KCNMA1: variants seen among roughly 807,000 people sequenced by gnomAD.
The protein encoded by KCNMA1 is Calcium-activated potassium channel subunit alpha-1.
A neutral mutation model predicts 140.0 loss-of-function variants in KCNMA1; 29 were observed. The observed-to-expected ratio is 0.21, with a 90% CI of 0.15 to 0.28. KCNMA1 has a LOEUF of 0.28. Ranked by LOEUF, KCNMA1 falls within the 10% of genes least tolerant of loss-of-function variation. The pLI is 1.00. For synonymous variants in KCNMA1, 612 were observed against 611.9 expected, an observed-to-expected ratio of 1.00 and a Z score of 0.00; for missense variants, 880 against 1,602.2, an observed-to-expected ratio of 0.55 and a Z score of 7.70.
At chr10:77,386,459 T>C (rs2095607338) in intron 2 of KCNMA1, among the ~76,000 whole-genome samples, 1 of 152,212 alleles carries the variant, frequency 6.6e-6, no homozygotes, top group African/African-American at 2.4e-5. Context: ...ATATGACTTG[T>C]CAGCCGTCTT....
chr10:76,986,710 A>G (rs544502435), intron 19 of KCNMA1, among the ~76,000 whole-genome samples: 1 of 152,344 alleles, frequency 6.6e-6, no homozygotes, highest in East Asian at 1.9e-4. Flanking sequence ...CCCTGCCTTA[A>G]ATATCCAAAT....
chr10:77,545,008 A>C (rs914270697), intron 1 of KCNMA1, among the ~76,000 whole-genome samples: 6 of 152,192 alleles, frequency 3.9e-5, no homozygotes, highest in Non-Finnish European at 5.9e-5. Flanking sequence ...CTGCAGGTGC[A>C]AAATGTACCG....
At position 76,891,572 on chromosome 10, in the gene KCNMA1, G is replaced by C; in HGVS notation, c.3295C>G (p.Arg1099Gly). Residue 1099 changes from arginine (R) to glycine (G), a missense_variant, in exon 26 of 28, where the codon CGC becomes GGC. Arg to Gly is a moderately radical substitution (Grantham distance 125, BLOSUM62 -2). This residue lies in a region of KCNMA1 where 31 missense variants were observed against 38.8 expected (regional missense o/e 0.80). Transcript: ENST00000286628. ...TCGAGCAGAGCTAACTGGGCCACGC[G>C]GCAGCGGTCCCTATTGGCCAGTGTC... ...PQTLANRDRC[R>G]VAQLALLDGP... The C allele has an allele frequency of 6.2e-7, 1 of 1,613,848 alleles. No individual in the cohort carries two copies. The highest frequency in any genetic ancestry group is 8.5e-7 in the Non-Finnish European group (1 of 1,180,018).
intron 1 of KCNMA1, among the ~76,000 whole-genome samples, chr10:77,589,758 G>A (rs894929755): frequency 1.3e-5 from 2 of 152,076 alleles, no homozygotes; most frequent in East Asian, 3.9e-4. Flanking sequence ...GCAGACCTTC[G>A]CGGTGTTACA....
At chr10:77,349,610 C>G (rs1212591425) in intron 2 of KCNMA1, among the ~76,000 whole-genome samples, 1 of 152,166 alleles carries the variant, frequency 6.6e-6, no homozygotes, top group East Asian at 1.9e-4. Context: ...CTTTTCTCCC[C>G]TATAAGAAAC....
At position 77,292,886 on chromosome 10, in the gene KCNMA1, G is replaced by T. The variant is rs139568539; in HGVS notation, c.541-41630C>A. On this transcript the variant is annotated intron_variant, in intron 2 of 27. Coordinates refer to ENST00000286628, the MANE Select transcript of KCNMA1 (RefSeq NM_001161352.2). ...AGTAAGCATTCAAATACATGAATAA[G>T]AACAGTTCCTGATCATGTTAGGATT... Among the ~76,000 whole-genome samples the T allele has an allele frequency of 3.3e-3, 500 of 152,310 alleles. 3 individuals are homozygous for T. The highest frequency in any genetic ancestry group is 0.011 in the African/African-American group (478 of 41,568).
chr10:77,110,221 T>G lies in KCNMA1; in HGVS notation c.1083A>C (p.Lys361Asn), dbSNP rs1194683705. 6.2e-7 allele frequency: 1 copy of G among 1,613,940 alleles called. No individual in the cohort carries two copies. The highest frequency in any genetic ancestry group is 8.5e-7 in the Non-Finnish European group (1 of 1,180,012). Residue 361 changes from lysine (K) to asparagine (N), a missense_variant, in exon 8 of 28, where the codon AAA (lysine) becomes AAC (asparagine). By Grantham distance (94) the Lys-to-Asn change is moderately conservative (BLOSUM62 0). Transcript: ENST00000286628. ...STVGYGDVYA[K>N]TTLGRLFMVF... ...CCATGAAGAGGCGCCCAAGTGTGGT[T>G]TTTGCATAAACATCCCCATAACCAA...
At chr10:76,997,869 T>C (rs2084905589) in intron 19 of KCNMA1, among the ~76,000 whole-genome samples, 1 of 152,220 alleles carries the variant, frequency 6.6e-6, no homozygotes, top group Admixed American at 6.5e-5. Context: ...AAGATGATCA[T>C]AAAATGACAC....
intron 3 of KCNMA1, among the ~76,000 whole-genome samples, chr10:77,215,670 T>C (rs932329227): frequency 6.6e-6 from 1 of 152,150 alleles, no homozygotes; most frequent in African/African-American, 2.4e-5. Flanking sequence ...CGAGATACCA[T>C]ATCTTGATGT....
intron 2 of KCNMA1, chr10:77,314,125 T>C (rs543266134): frequency 6.6e-6 from 1 of 152,084 alleles, no homozygotes; most frequent in Non-Finnish European, 1.5e-5. Flanking sequence ...TAAAGGTGAG[T>C]ACAGGAAAAT....
At chr10:76,946,443 G>T (rs567357619) in intron 22 of KCNMA1, among the ~76,000 whole-genome samples, 7 of 152,306 alleles carry the variant, frequency 4.6e-5, no homozygotes, top group African/African-American at 1.4e-4. Context: ...TGGAGAACTG[G>T]CTTTGGAAAG....
chr10:76,925,155 A>G (rs2057291377), intron 23 of KCNMA1, among the ~76,000 whole-genome samples: 1 of 152,200 alleles, frequency 6.6e-6, no homozygotes, highest in Non-Finnish European at 1.5e-5. Flanking sequence ...CTAAATATAT[A>G]CAAATTACTA....
At chr10:76,973,236 C>A (rs1035773878) in intron 19 of KCNMA1, 1 of 152,224 alleles carries the variant, frequency 6.6e-6, no homozygotes, top group Non-Finnish European at 1.5e-5. Context: ...CTTTAGAACA[C>A]AAACAAGTTC....
intron 9 of KCNMA1, among the ~76,000 whole-genome samples, chr10:77,096,354 T>G (rs2096932256): frequency 6.6e-6 from 1 of 152,184 alleles, no homozygotes; most frequent in Admixed American, 6.5e-5. Context: ...TCCAGTTCTC[T>G]GTCCGACCTT....
intron 18 of KCNMA1, among the ~76,000 whole-genome samples, chr10:77,004,488 C>A (rs1380068841): frequency 1.3e-5 from 2 of 152,090 alleles, no homozygotes; most frequent in Non-Finnish European, 2.9e-5. Context: ...TAAGACCTCC[C>A]ATCTGGTGGA....
intron 3 of KCNMA1, among the ~76,000 whole-genome samples, chr10:77,235,689 G>T (rs910299153): frequency 1.3e-5 from 2 of 152,182 alleles, no homozygotes; most frequent in Non-Finnish European, 2.9e-5. Context: ...GTTGACATTA[G>T]TAGAATCTGG....
At chr10:77,281,748 C>T (rs193133705) in intron 2 of KCNMA1, among the ~76,000 whole-genome samples, 14 of 152,144 alleles carry the variant, frequency 9.2e-5, no homozygotes, top group Non-Finnish European at 1.9e-4. Context: ...CATGGAGGAA[C>T]CTTACAATCA....
intron 2 of KCNMA1, among the ~76,000 whole-genome samples, chr10:77,387,259 A>G (rs2095636119): frequency 6.6e-6 from 1 of 152,258 alleles, no homozygotes; most frequent in Admixed American, 6.5e-5. Context: ...TGAAAAAAGA[A>G]AAGAAAAAGA....
At chr10:77,172,702 CA>C (rs60848414) in intron 5 of KCNMA1, among the ~76,000 whole-genome samples, 98,932 of 146,020 alleles carry the variant, frequency 0.68, 33,560 homozygotes, top group East Asian at 0.87. Context: ...CAAAAAAAAA[CA>C]AAAAAAAAAA....
Sources: allele counts gnomAD v4.1 joint callset (sites outside exome capture counted in the v4.1 genomes callset), GRCh38; gene constraint gnomAD v4.1.1; regional missense constraint gnomAD v4.1.1; transcripts MANE v1.5; gene names NCBI Gene and HGNC (gene_info 2026-07-23, HGNC 2026-07-21).